The following RASGEF1A variants were observed in gnomAD, a reference collection of about 807,000 sequenced individuals.
RASGEF1A encodes the protein ras-GEF domain-containing family member 1A.
RASGEF1A carries 18 observed loss-of-function variants against 56.4 expected under a neutral mutation model. The observed-to-expected ratio is 0.32, with a 90% CI of 0.22 to 0.47. RASGEF1A has a LOEUF of 0.47. Among genes scored for constraint, RASGEF1A ranks in the 20% least tolerant of loss-of-function variants. The pLI, the probability that RASGEF1A is intolerant of heterozygous loss-of-function variation, is 1.00. For missense variants in RASGEF1A, 422 were observed against 627.1 expected, an observed-to-expected ratio of 0.67 and a Z score of 3.49; for synonymous variants, 245 against 242.6, an observed-to-expected ratio of 1.01 and a Z score of -0.09.
intron 1 of RASGEF1A, among the ~76,000 whole-genome samples, chr10:43,237,938 C>A (rs1275703641): frequency 2.0e-5 from 3 of 152,222 alleles, no homozygotes; most frequent in Non-Finnish European, 2.9e-5. Flanking sequence ...GAGACCCAGC[C>A]ATTGTACCTG....
intron 1 of RASGEF1A, among the ~76,000 whole-genome samples, chr10:43,232,790 G>C (rs1481395389): frequency 6.6e-6 from 1 of 152,066 alleles, no homozygotes; most frequent in African/African-American, 2.4e-5. Context: ...CCCGGCCAAG[G>C]CCCTTCTTTA....
chr10:43,226,503 C>T (rs77287957), intron 1 of RASGEF1A, among the ~76,000 whole-genome samples: 2,620 of 152,260 alleles, frequency 0.017, 89 homozygotes, highest in African/African-American at 0.06. Flanking sequence ...CATCCTCCTC[C>T]GAGATCCACG....
intron 1 of RASGEF1A, among the ~76,000 whole-genome samples, chr10:43,241,737 C>T (rs1278701787): frequency 6.6e-6 from 1 of 152,030 alleles, no homozygotes; most frequent in African/African-American, 2.4e-5. Flanking sequence ...GAATTAAACA[C>T]TCCAGTTAAG....
intron 1 of RASGEF1A, among the ~76,000 whole-genome samples, chr10:43,225,875 C>T (rs961171007): frequency 2.0e-5 from 3 of 152,140 alleles, no homozygotes; most frequent in Admixed American, 6.5e-5. Flanking sequence ...TCCTCACCCA[C>T]GGGGAGGGGG....
At position 43,208,226 on chromosome 10, in the gene RASGEF1A, T is replaced by C. The variant is rs189581609; in HGVS notation, c.-6-2104A>G. 115 of 985,372 alleles carry C rather than the reference T, an allele frequency of 1.2e-4. No individual in the cohort carries two copies. The African/African-American group carries it at 1.9e-3, about 16-fold the overall frequency. The allele number at this position is 985,372 out of a possible 1,614,324, so 61.0% of individuals were successfully genotyped here. A position where few individuals can be genotyped will look rare whatever the true frequency, so the allele number is the denominator to read the frequency against. ...GTTGGGCCTCCTCACCCCAAGCTCT[T>C]GGGGTCATCAGAGAGGGCATTTGCC... On this transcript the variant is annotated intron_variant, in intron 1 of 12. Coordinates refer to ENST00000395810, the MANE Select transcript of RASGEF1A (RefSeq NM_145313.4).
chr10:43,202,630 C>A (rs768427561), intron 3 of RASGEF1A: 21 of 467,272 alleles, frequency 4.5e-5, no homozygotes, highest in Non-Finnish European at 5.7e-5. Context: ...CCACTCAGAC[C>A]GCTGGACCCC....
intron 1 of RASGEF1A, among the ~76,000 whole-genome samples, chr10:43,221,929 C>A (rs58924823): frequency 1.6e-3 from 251 of 152,356 alleles, no homozygotes; most frequent in African/African-American, 5.9e-3. Context: ...GTTGGCCCTT[C>A]CTGTCCGTGT....
intron 1 of RASGEF1A, among the ~76,000 whole-genome samples, chr10:43,219,981 G>T (rs896779055): frequency 5.3e-5 from 8 of 152,138 alleles, no homozygotes; most frequent in Admixed American, 5.2e-4. Context: ...CCCCCTGCTG[G>T]GTCACAGAGC....
chr10:43,203,455 G>A (rs544181259), intron 2 of RASGEF1A, 35 bp from the exon 3 acceptor site: 5 of 1,489,232 alleles, frequency 3.4e-6, no homozygotes, highest in Non-Finnish European at 4.5e-6. Flanking sequence ...GCGGAGGGAG[G>A]GTGAGGCAGG....
chr10:43,262,963 G>A (rs1836560866), intron 1 of RASGEF1A, among the ~76,000 whole-genome samples: 1 of 152,174 alleles, frequency 6.6e-6, no homozygotes, highest in African/African-American at 2.4e-5. Flanking sequence ...GCTGGCAGAG[G>A]GGGTGAGGGA....
At chr10:43,246,043 T>C (rs1283498751) in intron 1 of RASGEF1A, among the ~76,000 whole-genome samples, 3 of 152,018 alleles carry the variant, frequency 2.0e-5, no homozygotes, top group Non-Finnish European at 4.4e-5. Context: ...ACACACACTA[T>C]TAGAACTAAT....
intron 1 of RASGEF1A, among the ~76,000 whole-genome samples, chr10:43,223,807 C>A (rs1010786898): frequency 6.6e-6 from 1 of 151,342 alleles, no homozygotes; most frequent in South Asian, 2.1e-4. Context: ...CTAGTGAGAA[C>A]CTGTCTCTAT....
At position 43,199,161 on chromosome 10, in the gene RASGEF1A, C is replaced by G; in HGVS notation, c.883G>C (p.Glu295Gln). The G allele has an allele frequency of 1.2e-6, 2 of 1,613,470 alleles. No individual in the cohort carries two copies. The highest frequency in any genetic ancestry group is 1.7e-6 in the Non-Finnish European group (2 of 1,179,824). The change falls in exon 8 of 13, where the codon GAG (glutamate) becomes CAG (glutamine). Residue 295 changes from glutamate (E) to glutamine (Q), a missense_variant. Glu to Gln is a conservative substitution (Grantham distance 29). Transcript: ENST00000395810. Reference sequence around the variant, plus strand: ...TCCCGGGCCACATCAATGAAGAACTCCAACATGCGGGTCCGGTGTTTCTTC... The same window carrying G: ...TCCCGGGCCACATCAATGAAGAACTGCAACATGCGGGTCCGGTGTTTCTTC... ...VKKKHRTRMLEFFIDVARECF... is the reference protein window; with the variant it reads ...VKKKHRTRMLQFFIDVARECF...
chr10:43,218,966 T>C (rs567546937), intron 1 of RASGEF1A, among the ~76,000 whole-genome samples: 4 of 152,372 alleles, frequency 2.6e-5, no homozygotes, highest in Admixed American at 2.6e-4. Context: ...CAGTCTGGGT[T>C]TCTGCCTCTC....
chr10:43,237,179 G>A lies in RASGEF1A; in HGVS notation c.-7+29666C>T, dbSNP rs1181294635. 2.0e-5 allele frequency among the ~76,000 whole-genome samples: 3 copies of A among 152,248 alleles called. No homozygotes were observed. In the East Asian group the frequency reaches 5.8e-4, roughly 30 times the overall value. On this transcript the variant is annotated intron_variant, in intron 1 of 12. Transcript: ENST00000395810. The stretch of plus-strand genomic sequence containing the variant: ...AGCCTTATAGAGGATCTCAGGGCCA[G>A]TGTGGCCTTGTGAGGGGGTCTTGGG...
chr10:43,244,949 A>T lies in RASGEF1A; in HGVS notation c.-7+21896T>A, dbSNP rs1376302773. Among the ~76,000 whole-genome samples, 44 of 152,276 alleles carry T rather than the reference A, an allele frequency of 2.9e-4. 1 individual carries two copies. The highest frequency in any genetic ancestry group is 1.1e-3 in the African/African-American group (44 of 41,576). ...AAATTAAATTAACAAATAACAGAAG[A>T]AGAAAATACTAGAGTGAAAGTAAAT... On this transcript the variant is annotated intron_variant, in intron 1 of 12. Transcript: ENST00000395810.
At chr10:43,222,279 T>TA (rs983335342) in intron 1 of RASGEF1A, among the ~76,000 whole-genome samples, 1 of 152,204 alleles carries the variant, frequency 6.6e-6, no homozygotes, top group Non-Finnish European at 1.5e-5. Context: ...CACACCCTCC[T>TA]AACACTCTCA....
At chr10:43,203,797 C>T (rs1839951526) in intron 2 of RASGEF1A, 1 of 1,026,268 alleles carries the variant, frequency 9.7e-7, no homozygotes, top group South Asian at 3.4e-5. Context: ...TTCAGATCCT[C>T]GTGGGCCGAG....
At chr10:43,207,381 C>T in intron 1 of RASGEF1A, 1 of 984,238 alleles carries the variant, frequency 1.0e-6, no homozygotes, top group Non-Finnish European at 1.2e-6. Flanking sequence ...CTGCCCACAC[C>T]CCCCACGTCA....
Sources: allele counts gnomAD v4.1 joint callset (sites outside exome capture counted in the v4.1 genomes callset), GRCh38; gene constraint gnomAD v4.1.1; transcripts MANE v1.5; gene names NCBI Gene and HGNC (gene_info 2026-07-23, HGNC 2026-07-21).